NPHP3: variants seen among roughly 807,000 people sequenced by gnomAD.
The protein encoded by NPHP3 is nephrocystin-3.
NPHP3 carries 123 observed loss-of-function variants against 171.9 expected under a neutral mutation model. The observed-to-expected ratio is 0.72, with a 90% CI of 0.62 to 0.83. NPHP3 has a LOEUF of 0.83. Among genes scored for constraint, NPHP3 ranks in the 40% least tolerant of loss-of-function variants. The pLI is 0.00. For missense variants in NPHP3, 1,506 were observed against 1,591.9 expected (o/e 0.95, Z 0.92); for synonymous variants, 558 against 579.2 (o/e 0.96, Z 0.52).
intron 1 of NPHP3, among the ~76,000 whole-genome samples, chr3:132,720,670 AC>A (rs1940184456): frequency 6.6e-6 from 1 of 152,164 alleles, no homozygotes; most frequent in South Asian, 2.1e-4. Flanking sequence ...AACAACAACA[AC>A]AACAACAACA....
chr3:132,690,143 A>C lies in NPHP3; in HGVS notation c.2693+385T>G, dbSNP rs146787556. Among the ~76,000 whole-genome samples the C allele has an allele frequency of 2.2e-3, 341 of 152,284 alleles. 1 individual carries two copies. The highest frequency in any genetic ancestry group is 3.7e-3 in the South Asian group (18 of 4,830). ...GTAAACAAACAAACAAAAACAAATAAATTCAACACCAGACAGATTCTACTT... is the reference window on the plus strand; with the variant it reads ...GTAAACAAACAAACAAAAACAAATACATTCAACACCAGACAGATTCTACTT... On this transcript the variant is annotated intron_variant, in intron 19 of 26. Coordinates refer to ENST00000337331, the MANE Select transcript of NPHP3 (RefSeq NM_153240.5).
intron 6 of NPHP3, chr3:132,712,546 C>T (rs1939940142): frequency 6.7e-6 from 3 of 450,090 alleles, no homozygotes; most frequent in Non-Finnish European, 1.3e-5. Context: ...GCAGGGGGAT[C>T]ACAAGGTTAG....
chr3:132,699,729 A>G (rs969140636), intron 12 of NPHP3, among the ~76,000 whole-genome samples, 189 bp downstream of exon 12: 1 of 152,130 alleles, frequency 6.6e-6, no homozygotes, highest in Non-Finnish European at 1.5e-5. Context: ...GTCTTTCTTA[A>G]TAAGATATTA....
chr3:132,708,354 T>C (rs1172290199), intron 6 of NPHP3, 97 bp from the exon 7 acceptor site: 4 of 1,226,388 alleles, frequency 3.3e-6, no homozygotes, highest in Non-Finnish European at 4.8e-6. Context: ...TTTACTACAG[T>C]GACAAGTGGC....
chr3:132,698,133 C>T (rs905629271), intron 13 of NPHP3, among the ~76,000 whole-genome samples: 1 of 152,134 alleles, frequency 6.6e-6, no homozygotes, highest in African/African-American at 2.4e-5. Flanking sequence ...AGGCGCCCAC[C>T]ACCACGCCTG....
At chr3:132,712,604 A>C (rs1055395914) in intron 6 of NPHP3, among the ~76,000 whole-genome samples, 7 of 152,060 alleles carry the variant, frequency 4.6e-5, no homozygotes, top group African/African-American at 1.4e-4. Context: ...ATCTCTACCA[A>C]AAATACAAAA....
rs1434394195 is a variant in NPHP3, at chr3:132,683,521, T to C, written c.3574A>G (p.Lys1192Glu). The change falls in exon 25 of 27, where the codon AAA (lysine) becomes GAA (glutamate). Residue 1192 changes from lysine to glutamate, a missense_variant. Coordinates refer to ENST00000337331, the MANE Select transcript of NPHP3 (RefSeq NM_153240.5). ...HLAILYKKMG[K>E]LDKAVPLYEL... ...TACAAAGGTACAGCTTTGTCAAGTTTCCCCTAAAAAACAAGAGTTAAATCT... is the reference window on the plus strand; with the variant it reads ...TACAAAGGTACAGCTTTGTCAAGTTCCCCCTAAAAAACAAGAGTTAAATCT... 1 of 1,611,812 alleles carries C rather than the reference T, an allele frequency of 6.2e-7. No individual in the cohort carries two copies. The highest frequency in any genetic ancestry group is 2.2e-5 in the East Asian group (1 of 44,764).
intron 6 of NPHP3, chr3:132,712,455 A>G (rs1939936322): frequency 2.2e-6 from 1 of 457,002 alleles, no homozygotes; most frequent in East Asian, 6.9e-5. Context: ...CTATTATAGT[A>G]TGAAGGCAGC....
chr3:132,721,711 AG>A (rs757869132), intron 1 of NPHP3: 9 of 675,644 alleles, frequency 1.3e-5, no homozygotes, highest in East Asian at 2.9e-5. Context: ...CCGAGGCGGG[AG>A]GATCATTGAG....
At chr3:132,685,087 C>A (rs566612213) in intron 23 of NPHP3, 2 of 337,024 alleles carry the variant, frequency 5.9e-6, no homozygotes, top group Non-Finnish European at 1.1e-5. Flanking sequence ...AATTATTAGA[C>A]CTAGGTCCAA....
intron 23 of NPHP3, chr3:132,685,145 ATAAT>A: frequency 4.0e-6 from 1 of 250,730 alleles, no homozygotes; most frequent in Middle Eastern, 1.5e-3. Flanking sequence ...TTAGTACTAA[ATAAT>A]TTTTATTTCT....
chr3:132,690,430 A>T, intron 19 of NPHP3, 98 bp downstream of exon 19: 1 of 1,149,636 alleles, frequency 8.7e-7, no homozygotes, highest in Non-Finnish European at 1.3e-6. Flanking sequence ...TCAGATACTT[A>T]GACTAATTTT....
intron 9 of NPHP3, among the ~76,000 whole-genome samples, chr3:132,702,245 T>C (rs1939630219): frequency 2.0e-5 from 3 of 152,062 alleles, no homozygotes; most frequent in African/African-American, 7.2e-5. Flanking sequence ...CTAGATCTCC[T>C]GGTCAGAGGA....
At chr3:132,717,574 T>TAGG (rs1419403378) in intron 3 of NPHP3, among the ~76,000 whole-genome samples, 1 of 152,096 alleles carries the variant, frequency 6.6e-6, no homozygotes, top group South Asian at 2.1e-4. Context: ...TGTTCCTTCT[T>TAGG]CATGTTTAAA....
chr3:132,688,897 G>A lies in NPHP3; in HGVS notation c.2884-6C>T, dbSNP rs753827253. ...CTCTGCAAAGGTACTATGGCCTGGG[G>A]GGAAAAGGGGTGAAAGGCCAGTTAA... is the stretch of plus-strand genomic sequence containing the variant. On this transcript the variant is annotated splice_region_variant and splice_polypyrimidine_tract_variant and intron_variant, in intron 20 of 26. Transcript: ENST00000337331. The A allele has an allele frequency of 6.2e-6, 10 of 1,613,938 alleles. No individual in the cohort carries two copies. The highest frequency in any genetic ancestry group is 2.7e-5 in the African/African-American group (2 of 74,894).
At chr3:132,702,378 C>G (rs1477310459) in intron 9 of NPHP3, among the ~76,000 whole-genome samples, 1 of 152,192 alleles carries the variant, frequency 6.6e-6, no homozygotes, top group Non-Finnish European at 1.5e-5. Context: ...TTAGCCTAGG[C>G]TGCCTGAGAT....
In NPHP3 at chr3:132,682,832, A is replaced by G; in HGVS notation, c.3697-14T>C. ...AACGTGTTTTTTCTTATTAAAAAAA[A>G]TGATAATGCTCATGCACACTGGGTT... On this transcript the variant is annotated splice_polypyrimidine_tract_variant and intron_variant, in intron 25 of 26. Coordinates refer to ENST00000337331, the MANE Select transcript of NPHP3 (RefSeq NM_153240.5). The G allele has an allele frequency of 6.7e-7, 1 of 1,487,428 alleles. No homozygotes were observed. The highest frequency in any genetic ancestry group is 1.1e-5 in the South Asian group (1 of 88,412). The allele number at this position is 1,487,428 out of a possible 1,614,324, so 92.1% of individuals were successfully genotyped here. A position where few individuals can be genotyped will look rare whatever the true frequency, so the allele number is the denominator to read the frequency against.
intron 9 of NPHP3, 133 bp downstream of exon 9, chr3:132,704,065 A>G: frequency 1.1e-6 from 1 of 912,534 alleles, no homozygotes; most frequent in Non-Finnish European, 1.8e-6. Flanking sequence ...ACATCTCAAC[A>G]TGGATAATCA....
chr3:132,716,647 G>C, intron 4 of NPHP3, 110 bp downstream of exon 4: 1 of 1,224,238 alleles, frequency 8.2e-7, no homozygotes, highest in Non-Finnish European at 1.2e-6. Context: ...GAAAGCACTA[G>C]GAACACAAAT....
Sources: allele counts gnomAD v4.1 joint callset (sites outside exome capture counted in the v4.1 genomes callset), GRCh38; gene constraint gnomAD v4.1.1; transcripts MANE v1.5; gene names NCBI Gene and HGNC (gene_info 2026-07-23, HGNC 2026-07-21).